RAP1GDS1: variants seen among roughly 807,000 people sequenced by gnomAD.
RAP1GDS1 encodes the protein RAP1, GTP-GDP dissociation stimulator 1.
In RAP1GDS1, 35 loss-of-function variants were observed where a neutral mutation model predicts 71.1. The observed-to-expected ratio is 0.49, with a 90% CI of 0.38 to 0.65. The LOEUF is 0.65. Ranked by LOEUF, RAP1GDS1 falls within the 30% of genes least tolerant of loss-of-function variation. RAP1GDS1 has a pLI of 0.00. For missense variants in RAP1GDS1, 663 were observed against 706.1 expected (o/e 0.94, Z 0.69); for synonymous variants, 229 against 243.1 (o/e 0.94, Z 0.54).
intron 2 of RAP1GDS1, among the ~76,000 whole-genome samples, chr4:98,299,394 A>G (rs901522866): frequency 6.6e-6 from 1 of 152,224 alleles, no homozygotes; most frequent in South Asian, 2.1e-4. Context: ...TTATAGTAGC[A>G]TGAAAATATC....
At chr4:98,263,691 T>G (rs1722335769) in intron 1 of RAP1GDS1, among the ~76,000 whole-genome samples, 1 of 152,214 alleles carries the variant, frequency 6.6e-6, no homozygotes, top group Non-Finnish European at 1.5e-5. Flanking sequence ...CAAATAGAAA[T>G]TCAGTAAATC....
intron 4 of RAP1GDS1, among the ~76,000 whole-genome samples, chr4:98,365,897 A>G (rs1023091810): frequency 2.0e-5 from 3 of 152,190 alleles, no homozygotes; most frequent in Non-Finnish European, 4.4e-5. Context: ...AAACCATATT[A>G]TCATGTCCAT....
intron 1 of RAP1GDS1, among the ~76,000 whole-genome samples, chr4:98,284,805 T>C (rs999318636): frequency 1.3e-5 from 2 of 152,150 alleles, no homozygotes; most frequent in Admixed American, 1.3e-4. Flanking sequence ...AAGCTAAGCC[T>C]TGTAGAAAGG....
chr4:98,346,907 C>A (rs893100642), intron 3 of RAP1GDS1, among the ~76,000 whole-genome samples: 6 of 152,206 alleles, frequency 3.9e-5, no homozygotes, highest in Non-Finnish European at 8.8e-5. Context: ...GTCAGTTTGA[C>A]AACCCACATA....
At chr4:98,324,052 G>C (rs1414612564) in intron 2 of RAP1GDS1, among the ~76,000 whole-genome samples, 2 of 151,154 alleles carry the variant, frequency 1.3e-5, no homozygotes, top group Non-Finnish European at 2.9e-5. Flanking sequence ...ATCTCCTTAA[G>C]CTGATAAGCA....
chr4:98,334,953 G>A (rs1458638183), intron 2 of RAP1GDS1, among the ~76,000 whole-genome samples: 2 of 149,526 alleles, frequency 1.3e-5, no homozygotes, highest in African/African-American at 2.5e-5. Flanking sequence ...GAAGGTAGAA[G>A]GCTTTACATG....
chr4:98,261,674 C>T (rs1721989030), intron 1 of RAP1GDS1, 105 bp downstream of exon 1: 4 of 1,383,742 alleles, frequency 2.9e-6, no homozygotes, highest in Non-Finnish European at 4.0e-6. Context: ...TTTCTCCAGT[C>T]CCCGGGTGTG....
chr4:98,284,663 C>A (rs1298248679), intron 1 of RAP1GDS1, among the ~76,000 whole-genome samples: 1 of 152,124 alleles, frequency 6.6e-6, no homozygotes, highest in Non-Finnish European at 1.5e-5. Context: ...CATTAGAATG[C>A]AGCAGAAGGG....
intron 1 of RAP1GDS1, among the ~76,000 whole-genome samples, chr4:98,290,885 G>T (rs552537146): frequency 6.6e-6 from 1 of 152,060 alleles, no homozygotes; most frequent in East Asian, 1.9e-4. Context: ...ATTCTGAAGG[G>T]CATGCATATA....
chr4:98,374,675 T>G (rs1449233378), intron 4 of RAP1GDS1, among the ~76,000 whole-genome samples: 2 of 152,238 alleles, frequency 1.3e-5, no homozygotes, highest in African/African-American at 4.8e-5. Flanking sequence ...GGAGTCGAAC[T>G]AGGTTCATGT....
intron 6 of RAP1GDS1, among the ~76,000 whole-genome samples, chr4:98,397,586 A>G (rs1357293052): frequency 2.0e-5 from 3 of 152,136 alleles, no homozygotes; most frequent in African/African-American, 2.4e-5. Context: ...AAGAAAGGCA[A>G]TAACTTACAT....
At chr4:98,346,701 C>T (rs78317720) in intron 3 of RAP1GDS1, among the ~76,000 whole-genome samples, 1 of 152,128 alleles carries the variant, frequency 6.6e-6, no homozygotes, top group Non-Finnish European at 1.5e-5. Context: ...CGTACCACCA[C>T]ACCCGGCTAA....
chr4:98,392,037 T>C lies in RAP1GDS1; in HGVS notation c.594T>C (p.Leu198=). 1 of 1,613,076 alleles carries C rather than the reference T, an allele frequency of 6.2e-7. No individual in the cohort carries two copies. The highest frequency in any genetic ancestry group is 8.5e-7 in the Non-Finnish European group (1 of 1,179,374). ...LLGIHCQNAA[L]TEMCLVAFGN... ...GCATCCACTGCCAAAATGCAGCTCTTACAGAAATGTGTCTTGTTGCATTTG... is the reference window on the plus strand; with the variant it reads ...GCATCCACTGCCAAAATGCAGCTCTCACAGAAATGTGTCTTGTTGCATTTG... The change falls in exon 6 of 15, where the codon CTT becomes CTC. Residue 198 remains leucine, a synonymous_variant. Transcript: ENST00000408927.
intron 2 of RAP1GDS1, among the ~76,000 whole-genome samples, chr4:98,307,199 C>G (rs1369489233): frequency 6.6e-6 from 1 of 151,608 alleles, no homozygotes; most frequent in East Asian, 1.9e-4. Flanking sequence ...ATATTTCTAT[C>G]ATGGAATAAC....
At chr4:98,441,951 A>C in intron 14 of RAP1GDS1, 39 bp from the exon 15 acceptor site, 1 of 1,607,710 alleles carries the variant, frequency 6.2e-7, no homozygotes, top group Non-Finnish European at 8.5e-7. Flanking sequence ...ACTTAGAACA[A>C]CCTAACAGAA....
chr4:98,369,734 T>G (rs927163355), intron 4 of RAP1GDS1, among the ~76,000 whole-genome samples: 6 of 152,036 alleles, frequency 3.9e-5, no homozygotes, highest in African/African-American at 1.2e-4. Context: ...TTCTTTTGGT[T>G]GTGATGAAAA....
At chr4:98,367,791 T>C (rs554212177) in intron 4 of RAP1GDS1, among the ~76,000 whole-genome samples, 84 of 152,266 alleles carry the variant, frequency 5.5e-4, no homozygotes, top group Middle Eastern at 6.8e-3. Context: ...TTTGGAATGG[T>C]TGTGTTTATC....
At chr4:98,360,845 G>T (rs1738632436) in intron 4 of RAP1GDS1, among the ~76,000 whole-genome samples, 1 of 152,092 alleles carries the variant, frequency 6.6e-6, no homozygotes, top group Admixed American at 6.6e-5. Flanking sequence ...GGCGAGGCAG[G>T]TGGATCACTT....
intron 2 of RAP1GDS1, among the ~76,000 whole-genome samples, chr4:98,336,887 G>A (rs1286196722): frequency 6.6e-6 from 1 of 150,812 alleles, no homozygotes; most frequent in Non-Finnish European, 1.5e-5. Context: ...TTTTTGTTTT[G>A]TTTTGTTTTG....
Sources: allele counts gnomAD v4.1 joint callset (sites outside exome capture counted in the v4.1 genomes callset), GRCh38; gene constraint gnomAD v4.1.1; transcripts MANE v1.5; gene names NCBI Gene and HGNC (gene_info 2026-07-23, HGNC 2026-07-21).